The following PLXNC1 variants were observed in gnomAD, a reference collection of about 807,000 sequenced individuals.
PLXNC1 encodes plexin C1.
PLXNC1 carries 75 observed loss-of-function variants against 178.2 expected under a neutral mutation model. The ratio of observed to expected loss-of-function variants is 0.42; its 90% CI spans 0.35 to 0.51. The LOEUF (loss-of-function observed/expected upper bound fraction) is 0.51, where lower values mean the gene tolerates loss of function less well. Among genes scored for constraint, PLXNC1 ranks in the 20% least tolerant of loss-of-function variants. The pLI is 0.02. For missense variants in PLXNC1, 1,503 were observed against 1,984.4 expected (o/e 0.76, Z 4.61); for synonymous variants, 790 against 779.9 (o/e 1.01, Z -0.22).
chr12:94,281,731 C>T (rs1266414462), intron 22 of PLXNC1: 1 of 153,188 alleles, frequency 6.5e-6, no homozygotes, highest in African/African-American at 2.4e-5. Context: ...TATGTGCAAT[C>T]TTTTAATCTT....
intron 2 of PLXNC1, among the ~76,000 whole-genome samples, chr12:94,175,071 C>T (rs1961999550): frequency 6.6e-6 from 1 of 152,168 alleles, no homozygotes; most frequent in African/African-American, 2.4e-5. Flanking sequence ...ACATTAAATA[C>T]TTACCTTGCT....
At chr12:94,279,725 CCCTCCCTGCCCCCA>C in intron 22 of PLXNC1, 76 bp downstream of exon 22, 2 of 1,223,764 alleles carry the variant, frequency 1.6e-6, no homozygotes, top group Non-Finnish European at 2.3e-6. Context: ...TCCCTGTCCC[CCCTCCCTGCCCCCA>C]CCAGCTTCCA....
At chr12:94,205,897 G>A (rs914361243) in intron 4 of PLXNC1, among the ~76,000 whole-genome samples, 3 of 152,202 alleles carry the variant, frequency 2.0e-5, no homozygotes, top group African/African-American at 7.2e-5. Flanking sequence ...CTATAGGAAG[G>A]CATGAAGCCA....
chr12:94,258,898 A>G (rs1008479430), intron 17 of PLXNC1, among the ~76,000 whole-genome samples: 5 of 152,264 alleles, frequency 3.3e-5, no homozygotes, highest in African/African-American at 1.2e-4. Flanking sequence ...CTGTCTTTCA[A>G]TATCATTGTG....
At position 94,181,578 on chromosome 12, in the gene PLXNC1, G is replaced by GAGGT; in HGVS notation, c.1338+5_1338+8dup. On this transcript the variant is annotated frameshift_variant and splice_region_variant, in exon 3 of 31. Coordinates refer to ENST00000258526, the MANE Select transcript of PLXNC1 (RefSeq NM_005761.3). LOFTEE classifies it high-confidence loss of function. ...CTACATTTATCTAACAGCTGGGAAA[G>GAGGT]AGGTAGGTAGAAATACTAGTTATTG... 2 of 1,605,174 alleles carry GAGGT rather than the reference G, an allele frequency of 1.2e-6. No homozygotes were observed. The highest frequency in any genetic ancestry group is 1.7e-6 in the Non-Finnish European group (2 of 1,174,218).
At chr12:94,165,622 A>G (rs907115919) in intron 1 of PLXNC1, among the ~76,000 whole-genome samples, 1 of 152,162 alleles carries the variant, frequency 6.6e-6, no homozygotes, top group Non-Finnish European at 1.5e-5. Flanking sequence ...CATTTCTTAA[A>G]CAGTGACTTC....
At position 94,200,474 on chromosome 12, in the gene PLXNC1, A is replaced by G. The variant is rs149461151; in HGVS notation, c.1440-9116A>G. 1.3e-4 allele frequency among the ~76,000 whole-genome samples: 20 copies of G among 152,236 alleles called. No individual in the cohort carries two copies. In the East Asian group the frequency reaches 3.7e-3, roughly 28 times the overall value. On this transcript the variant is annotated intron_variant, in intron 4 of 30. Transcript: ENST00000258526. ...AACATTTTGATGCTTTTATTCTGCT[A>G]TATGGAGGGTGCACTGTTTCTGATA...
chr12:94,303,715 T>G, intron 28 of PLXNC1, 41 bp from the exon 29 acceptor site: 10 of 1,085,172 alleles, frequency 9.2e-6, no homozygotes, highest in Middle Eastern at 2.4e-4. Flanking sequence ...TTTTTTTTAC[T>G]CTTTTGGTGA....
intron 4 of PLXNC1, among the ~76,000 whole-genome samples, chr12:94,201,096 G>C (rs75397892): frequency 0.063 from 9,541 of 152,232 alleles, 538 homozygotes; most frequent in African/African-American, 0.14. Context: ...GATGAATGAG[G>C]GTCTACTCTG....
At chr12:94,224,547 G>C (rs1023685121) in intron 7 of PLXNC1, among the ~76,000 whole-genome samples, 1 of 152,184 alleles carries the variant, frequency 6.6e-6, no homozygotes, top group African/African-American at 2.4e-5. Context: ...CTGTGCTTAA[G>C]TGTTCATACC....
intron 23 of PLXNC1, among the ~76,000 whole-genome samples, chr12:94,289,442 C>G (rs573451972): frequency 7.2e-5 from 11 of 152,318 alleles, no homozygotes; most frequent in African/African-American, 2.6e-4. Context: ...CAGTTCTGCT[C>G]TGGGCTGGAG....
chr12:94,174,095 A>G (rs1160942873), intron 2 of PLXNC1, among the ~76,000 whole-genome samples: 2 of 152,202 alleles, frequency 1.3e-5, no homozygotes, highest in Non-Finnish European at 2.9e-5. Context: ...TCCTGTCCCC[A>G]TATCCAGTCT....
chr12:94,156,862 C>A (rs1205156034), intron 1 of PLXNC1, among the ~76,000 whole-genome samples: 21 of 152,016 alleles, frequency 1.4e-4, no homozygotes, highest in Admixed American at 1.4e-3. Context: ...CACACACCAC[C>A]ATGCCAGGCT....
chr12:94,262,692 C>T (rs1965029873), intron 20 of PLXNC1: 1 of 985,472 alleles, frequency 1.0e-6, no homozygotes, highest in Non-Finnish European at 1.2e-6. Flanking sequence ...GGGTCTGGGA[C>T]ACCGACAGCC....
chr12:94,212,726 T>TC (rs1436890804), intron 5 of PLXNC1, among the ~76,000 whole-genome samples: 1 of 149,536 alleles, frequency 6.7e-6, no homozygotes, highest in African/African-American at 2.4e-5. Flanking sequence ...TCTTTTCTTT[T>TC]TTTTTTTTTT....
intron 4 of PLXNC1, among the ~76,000 whole-genome samples, chr12:94,202,365 G>A (rs1963163103): frequency 6.6e-6 from 1 of 152,230 alleles, no homozygotes; most frequent in Admixed American, 6.5e-5. Flanking sequence ...TTTGTAGAAT[G>A]AATGCCAGGT....
intron 1 of PLXNC1, among the ~76,000 whole-genome samples, chr12:94,167,136 C>T (rs1159390621): frequency 6.6e-6 from 1 of 152,096 alleles, no homozygotes; most frequent in Non-Finnish European, 1.5e-5. Flanking sequence ...ACGGATTTTT[C>T]CTTGTTCCGT....
chr12:94,149,358 C>A lies in PLXNC1; in HGVS notation c.387C>A (p.Phe129Leu), dbSNP rs920820467. 7 of 1,430,024 alleles carry A rather than the reference C, an allele frequency of 4.9e-6. No individual in the cohort carries two copies. The highest frequency in any genetic ancestry group is 6.4e-6 in the Non-Finnish European group (7 of 1,102,166). The allele number at this position is 1,430,024 out of a possible 1,614,324, so 88.6% of individuals were successfully genotyped here. The change falls in exon 1 of 31, where the codon TTC becomes TTA. Residue 129 changes from phenylalanine to leucine, a missense_variant. Phe to Leu is a conservative substitution (Grantham distance 22). This residue lies in a region of PLXNC1 where 73 missense variants were observed against 125.4 expected (regional missense o/e 0.58). Coordinates refer to ENST00000258526, the MANE Select transcript of PLXNC1 (RefSeq NM_005761.3). ...LGGLLLTGWT[F>L]DRGACEVRPL... Reference sequence around the variant, plus strand: ...GGCTGCTGCTCACCGGCTGGACCTTCGACCGGGGCGCCTGCGAGGTGCGGC... The same window carrying A: ...GGCTGCTGCTCACCGGCTGGACCTTAGACCGGGGCGCCTGCGAGGTGCGGC...
At chr12:94,231,498 A>T (rs1214295426) in intron 9 of PLXNC1, among the ~76,000 whole-genome samples, 2 of 152,046 alleles carry the variant, frequency 1.3e-5, no homozygotes, top group Non-Finnish European at 2.9e-5. Flanking sequence ...TTATTTTTTT[A>T]GTGTATGAGT....
Sources: gnomAD v4.1 joint callset for allele counts (sites outside exome capture counted in the v4.1 genomes callset) on GRCh38, gnomAD v4.1.1 for gene constraint, gnomAD v4.1.1 regional missense constraint, MANE v1.5 for transcripts, NCBI Gene and HGNC (gene_info 2026-07-23, HGNC 2026-07-21) for gene names.